The following DOCK2 variants were observed in gnomAD, a reference collection of about 807,000 sequenced individuals.
DOCK2 encodes dedicator of cytokinesis 2, also known as dedicator of cytokinesis protein 2.
A neutral mutation model predicts 248.9 loss-of-function variants in DOCK2; 87 were observed. That is an observed-to-expected ratio of 0.35 (90% CI 0.29 to 0.42). The LOEUF is 0.42. DOCK2 is among the 10% of genes least tolerant of loss of function. The pLI is 1.00. For missense variants in DOCK2, 1,747 were observed against 2,300.2 expected, an observed-to-expected ratio of 0.76 and a Z score of 4.92; for synonymous variants, 805 against 821.6, an observed-to-expected ratio of 0.98 and a Z score of 0.35.
At chr5:169,648,500 G>A (rs1029653147) in intron 1 of DOCK2, among the ~76,000 whole-genome samples, 9 of 152,154 alleles carry the variant, frequency 5.9e-5, no homozygotes, top group African/African-American at 2.2e-4. Context: ...TCCAGCAAGA[G>A]GCCTAAAGCA....
At chr5:169,966,238 T>A (rs79560464) in intron 27 of DOCK2, among the ~76,000 whole-genome samples, 2,740 of 152,226 alleles carry the variant, frequency 0.018, 78 homozygotes, top group African/African-American at 0.06. Flanking sequence ...ATTGGTTGGT[T>A]GCTTCATAAC....
chr5:169,921,999 A>C (rs1313344462), intron 27 of DOCK2, among the ~76,000 whole-genome samples: 1 of 152,220 alleles, frequency 6.6e-6, no homozygotes, highest in Non-Finnish European at 1.5e-5. Context: ...TCCCATGTAC[A>C]TCCTGGTCCT....
chr5:169,983,004 T>A, intron 27 of DOCK2, 64 bp from the exon 28 acceptor site: 1 of 1,532,012 alleles, frequency 6.5e-7, no homozygotes, highest in Non-Finnish European at 9.0e-7. Context: ...AGACATTTTC[T>A]CACAGGGAAG....
At chr5:169,868,771 T>C (rs983388464) in intron 27 of DOCK2, among the ~76,000 whole-genome samples, 3 of 151,914 alleles carry the variant, frequency 2.0e-5, no homozygotes, top group South Asian at 2.1e-4. Context: ...AAAAAGAAAA[T>C]GATATTAATG....
intron 30 of DOCK2, among the ~76,000 whole-genome samples, chr5:170,001,053 G>A (rs1183733094): frequency 6.6e-6 from 1 of 152,060 alleles, no homozygotes; most frequent in Non-Finnish European, 1.5e-5. Context: ...GCACATGCTT[G>A]GGTGCAGTTT....
intron 2 of DOCK2, among the ~76,000 whole-genome samples, chr5:169,654,854 A>G (rs1758015234): frequency 6.6e-6 from 1 of 152,202 alleles, no homozygotes; most frequent in African/African-American, 2.4e-5. Context: ...TAATTCCAGG[A>G]GAGCCGATGT....
intron 26 of DOCK2, among the ~76,000 whole-genome samples, chr5:169,835,447 G>T (rs1561747912): frequency 1.3e-5 from 2 of 152,000 alleles, no homozygotes; most frequent in Non-Finnish European, 1.5e-5. Flanking sequence ...TAGAGACGGG[G>T]TTTCACCATG....
chr5:169,742,576 G>A (rs1763375928), intron 22 of DOCK2, among the ~76,000 whole-genome samples: 1 of 152,168 alleles, frequency 6.6e-6, no homozygotes, highest in Non-Finnish European at 1.5e-5. Flanking sequence ...AGGGTGTTAG[G>A]AGGCTCTCCC....
intron 30 of DOCK2, among the ~76,000 whole-genome samples, chr5:170,006,728 T>A (rs1226731882): frequency 1.3e-5 from 2 of 152,208 alleles, no homozygotes; most frequent in Admixed American, 6.5e-5. Flanking sequence ...CAGGGATCGC[T>A]GTCTGTGTAA....
intron 27 of DOCK2, among the ~76,000 whole-genome samples, chr5:169,952,386 T>A (rs901335315): frequency 6.6e-6 from 1 of 152,046 alleles, no homozygotes; most frequent in African/African-American, 2.4e-5. Context: ...CTTGGTTCTC[T>A]TTCCTGGATC....
At position 169,841,427 on chromosome 5, in the gene DOCK2, G is replaced by A. The variant is rs991766672; in HGVS notation, c.2799+575G>A. The A allele has an allele frequency of 2.4e-5, 24 of 985,674 alleles. No individual in the cohort carries two copies. The African/African-American group carries it at 3.1e-4, about 13-fold the overall frequency. The allele number at this position is 985,674 out of a possible 1,614,324, so 61.1% of individuals were successfully genotyped here. A position where few individuals can be genotyped will look rare whatever the true frequency, so the allele number is the denominator to read the frequency against. ...ACCCAGCTCGAACCCTTTAACCTCT[G>A]CCCATCGTGCTTTAAACCAAGGACC... On this transcript the variant is annotated intron_variant, in intron 27 of 51. Coordinates refer to ENST00000520908, the MANE Select transcript of DOCK2 (RefSeq NM_004946.3).
chr5:169,711,827 G>T (rs1001964570), intron 15 of DOCK2, 108 bp from the exon 16 acceptor site: 10 of 1,140,642 alleles, frequency 8.8e-6, no homozygotes, highest in Admixed American at 1.8e-5. Context: ...AAATCAGCAG[G>T]CAGCTCTCTC....
chr5:170,048,483 T>C (rs973394611), intron 40 of DOCK2, among the ~76,000 whole-genome samples: 3 of 152,242 alleles, frequency 2.0e-5, no homozygotes, highest in Non-Finnish European at 4.4e-5. Flanking sequence ...AAAATAGCTC[T>C]ATTTTCCAAT....
At chr5:169,883,256 C>T (rs996716486) in intron 27 of DOCK2, 2 of 1,551,468 alleles carry the variant, frequency 1.3e-6, no homozygotes, top group African/African-American at 2.7e-5. Flanking sequence ...TCTCTAGCTT[C>T]CCAGGAAGGA....
At chr5:170,008,985 C>G (rs1049476409) in intron 32 of DOCK2, among the ~76,000 whole-genome samples, 1 of 151,904 alleles carries the variant, frequency 6.6e-6, no homozygotes, top group Non-Finnish European at 1.5e-5. Flanking sequence ...CTTGATGCCC[C>G]CAATGGGTTA....
At position 169,671,186 on chromosome 5, in the gene DOCK2, A is replaced by T; in HGVS notation, c.321+12A>T. On this transcript the variant is annotated intron_variant, in intron 5 of 51. Transcript: ENST00000520908. ...AACAACTCTATGTGGTGAGACTCAG[A>T]ACTCTGCTCCCTGAGTTGGAAGCTT... The T allele has an allele frequency of 6.2e-7, 1 of 1,608,492 alleles. No individual in the cohort carries two copies. Among genetic ancestry groups the T allele is most frequent in the Non-Finnish European group, 8.5e-7 (1 of 1,175,802 alleles).
At position 169,804,497 on chromosome 5, in the gene DOCK2, T is replaced by TGCGC. The variant is rs1358301781; in HGVS notation, c.2703+1293_2703+1296dup. 6.8e-4 allele frequency among the ~76,000 whole-genome samples: 22 copies of TGCGC among 32,222 alleles called. 1 individual carries two copies. Among genetic ancestry groups the TGCGC allele is most frequent in the Admixed American group, 1.9e-3 (3 of 1,600 alleles). The allele number at this position is 32,222 out of a possible 152,430, so 21.1% of individuals were successfully genotyped here. ...GTGTGTGTGTGTGTGCGCGCGCGCG[T>TGCGC]GCGCGTAAGCATTTTTGTCAAGGAA... On this transcript the variant is annotated intron_variant, in intron 26 of 51. Transcript: ENST00000520908.
intron 22 of DOCK2, among the ~76,000 whole-genome samples, 191 bp from the exon 23 acceptor site, chr5:169,747,205 G>T (rs1763660526): frequency 6.6e-6 from 1 of 152,146 alleles, no homozygotes; most frequent in African/African-American, 2.4e-5. Context: ...GGTTTCTGTT[G>T]GGTATGGTGG....
chr5:169,647,171 A>G lies in DOCK2; in HGVS notation c.44-7232A>G, dbSNP rs1477759119. On this transcript the variant is annotated intron_variant, in intron 1 of 51. Coordinates refer to ENST00000520908, the MANE Select transcript of DOCK2 (RefSeq NM_004946.3). ...TGTTGAATGATCTGGGCACCTCTGT[A>G]GAATGCAAGCTCTATGATGGCAGGG... 3.9e-5 allele frequency among the ~76,000 whole-genome samples: 6 copies of G among 152,230 alleles called. No individual in the cohort carries two copies. In the South Asian group the frequency reaches 1.0e-3, roughly 26 times the overall value.
Sources: gnomAD v4.1 joint callset for allele counts (sites outside exome capture counted in the v4.1 genomes callset) on GRCh38, gnomAD v4.1.1 for gene constraint, MANE v1.5 for transcripts, NCBI Gene and HGNC (gene_info 2026-07-23, HGNC 2026-07-21) for gene names.